The following ENG variants were observed in gnomAD, a reference collection of about 807,000 sequenced individuals.
ENG encodes the protein CD105 antigen.
In ENG, 17 loss-of-function variants were observed where a neutral mutation model predicts 71.0. The ratio of observed to expected loss-of-function variants is 0.24; its 90% CI spans 0.16 to 0.36. The LOEUF (loss-of-function observed/expected upper bound fraction) is 0.36, where lower values mean the gene tolerates loss of function less well. ENG is among the 10% of genes least tolerant of loss of function. The pLI is 1.00. For missense variants in ENG, 749 were observed against 868.3 expected (o/e 0.86, Z 1.73); for synonymous variants, 360 against 366.9 (o/e 0.98, Z 0.21).
In ENG at chr9:127,829,834, G is replaced by A. The variant is rs1248882142; in HGVS notation, c.220-7C>T. On this transcript the variant is annotated splice_region_variant and splice_polypyrimidine_tract_variant and intron_variant, in intron 2 of 14. Coordinates refer to ENST00000373203, the MANE Select transcript of ENG (RefSeq NM_001114753.3). Reference sequence around the variant, plus strand: ...GCTCCAGCTGTGACGGGCCCTGGGGGACACAGAGGAGAGACACACACAGTC... The same window carrying A: ...GCTCCAGCTGTGACGGGCCCTGGGGAACACAGAGGAGAGACACACACAGTC... 6.2e-7 allele frequency: 1 copy of A among 1,613,864 alleles called. No individual in the cohort carries two copies. The highest frequency in any genetic ancestry group is 8.5e-7 in the Non-Finnish European group (1 of 1,180,004).
At chr9:127,823,629 C>T (rs1317330903) in intron 8 of ENG, among the ~76,000 whole-genome samples, 1 of 150,054 alleles carries the variant, frequency 6.7e-6, no homozygotes, top group Non-Finnish European at 1.5e-5. Flanking sequence ...ACCTTGTGAT[C>T]CACCCGCCTC....
chr9:127,818,698 G>A lies in ENG; in HGVS notation c.1428+18C>T. On this transcript the variant is annotated intron_variant, in intron 11 of 14. Coordinates refer to ENST00000373203, the MANE Select transcript of ENG (RefSeq NM_001114753.3). ...CCAGGAGCTGGGAGGCCCGAGGGGTGACAGGCATGCCAGGTACCTGCACAA... is the reference window on the plus strand; with the variant it reads ...CCAGGAGCTGGGAGGCCCGAGGGGTAACAGGCATGCCAGGTACCTGCACAA... The A allele has an allele frequency of 6.2e-7, 1 of 1,612,594 alleles. No homozygotes were observed. Among genetic ancestry groups the A allele is most frequent in the Non-Finnish European group, 8.5e-7 (1 of 1,178,596 alleles).
At chr9:127,849,493 G>C (rs1234897720) in intron 1 of ENG, among the ~76,000 whole-genome samples, 3 of 152,192 alleles carry the variant, frequency 2.0e-5, no homozygotes, top group Non-Finnish European at 4.4e-5. Context: ...CTGGGACTCT[G>C]TTTCCCTATG....
intron 13 of ENG, 62 bp from the exon 14 acceptor site, chr9:127,816,115 G>T: frequency 6.4e-7 from 1 of 1,567,812 alleles, no homozygotes; most frequent in South Asian, 1.2e-5. Context: ...CTACCCTGTT[G>T]TGCTGGCCCA....
Position 127,817,235 on chromosome 9 carries a change from C to T in ENG, c.1687-32G>A, listed in dbSNP as rs770622486. ...GAGAAAGAGAGAGCAGTATGTGGCA[C>T]CTTTGGGAGGCGGCTTCCAGGTTTA... is the stretch of plus-strand genomic sequence containing the variant. On this transcript the variant is annotated intron_variant, in intron 12 of 14. Coordinates refer to ENST00000373203, the MANE Select transcript of ENG (RefSeq NM_001114753.3). The T allele has an allele frequency of 6.8e-6, 11 of 1,613,492 alleles. No homozygotes were observed. The East Asian group carries it at 1.1e-4, about 16-fold the overall frequency.
In ENG at chr9:127,854,454, G is replaced by A. The variant is rs1488678420; in HGVS notation, c.-99C>T. ...CCGGCGTGGGCTCGCACGGGGACCC[G>A]AGGGGAGCAGGCGGCCGGAGCGACG... On this transcript the variant is annotated 5_prime_UTR_variant, in exon 1 of 15. Transcript: ENST00000373203. 13 of 1,346,904 alleles carry A rather than the reference G, an allele frequency of 9.7e-6. No individual in the cohort carries two copies. The highest frequency in any genetic ancestry group is 4.5e-5 in the African/African-American group (3 of 67,340). The allele number at this position is 1,346,904 out of a possible 1,614,324, so 83.4% of individuals were successfully genotyped here.
chr9:127,816,751 G>A (rs554071556), intron 13 of ENG: 15 of 337,146 alleles, frequency 4.4e-5, no homozygotes, highest in South Asian at 3.9e-4. Flanking sequence ...CTGATGGAGA[G>A]GCTAGAGGGG....
At position 127,829,778 on chromosome 9, in the gene ENG, G is replaced by A. The variant is rs759138968; in HGVS notation, c.269C>T (p.Thr90Ile). 2.5e-6 allele frequency: 4 copies of A among 1,614,040 alleles called. No individual in the cohort carries two copies. Among genetic ancestry groups the A allele is most frequent in the African/African-American group, 2.7e-5 (2 of 74,924 alleles). Residue 90 changes from threonine (T) to isoleucine (I), a missense_variant, in exon 3 of 15, where the codon ACC becomes ATC. By Grantham distance (89) the Thr-to-Ile change is moderately conservative. Coordinates refer to ENST00000373203, the MANE Select transcript of ENG (RefSeq NM_001114753.3). ...LTLQASKQNG[T>I]WPREVLLVLS... ...GACCAGAAGCACCTCTCGGGGCCAG[G>A]TGCCATTTTGCTTGGATGCCTGGAG...
chr9:127,826,712 C>G, intron 3 of ENG, 40 bp from the exon 4 acceptor site: 2 of 1,610,732 alleles, frequency 1.2e-6, no homozygotes, highest in Non-Finnish European at 1.7e-6. Context: ...TGTTCCTGGC[C>G]CTGTGCCCTC....
chr9:127,826,817 G>C, intron 3 of ENG, 145 bp from the exon 4 acceptor site: 1 of 1,134,188 alleles, frequency 8.8e-7, no homozygotes, highest in South Asian at 1.5e-5. Flanking sequence ...TGGTGGATCT[G>C]CAGTCAGCCC....
intron 2 of ENG, among the ~76,000 whole-genome samples, chr9:127,837,944 G>A (rs1428344639): frequency 2.6e-5 from 4 of 151,946 alleles, no homozygotes; most frequent in Non-Finnish European, 5.9e-5. Flanking sequence ...CAGCAAGCCT[G>A]CCTCTAATAT....
chr9:127,816,993 C>T (rs534861925), intron 13 of ENG, 156 bp downstream of exon 13: 7 of 830,940 alleles, frequency 8.4e-6, no homozygotes, highest in Non-Finnish European at 1.4e-5. Context: ...GCTGCTATGG[C>T]TCTGGGAAGC....
Position 127,817,425 on chromosome 9 carries a change from C to G in ENG, c.1687-222G>C, listed in dbSNP as rs1419094901. Reference sequence around the variant, plus strand: ...CTGCTGAAATGTTTCCTGTGAGTTCCTGGAGGCCTTGATGCCCAGGAGCAC... The same window carrying G: ...CTGCTGAAATGTTTCCTGTGAGTTCGTGGAGGCCTTGATGCCCAGGAGCAC... On this transcript the variant is annotated intron_variant, in intron 12 of 14. Transcript: ENST00000373203. 74 of 617,020 alleles carry G rather than the reference C, an allele frequency of 1.2e-4. No homozygotes were observed. In the East Asian group the frequency reaches 2.1e-3, roughly 17 times the overall value. 38.2% of individuals were successfully genotyped at this position (617,020 alleles called of 1,614,324 possible).
rs1191803777 is a variant in ENG, at chr9:127,834,002, G to C, written c.220-4175C>G. Among the ~76,000 whole-genome samples the C allele has an allele frequency of 2.0e-5, 3 of 152,266 alleles. No individual in the cohort carries two copies. In the East Asian group the frequency reaches 5.8e-4, roughly 29 times the overall value. Reference sequence around the variant, plus strand: ...GTGTGGAGAAGGAACAAAGCAATCTGTAACTGGTTGTGATCAATTAGTTGT... The same window carrying C: ...GTGTGGAGAAGGAACAAAGCAATCTCTAACTGGTTGTGATCAATTAGTTGT... On this transcript the variant is annotated intron_variant, in intron 2 of 14. Coordinates refer to ENST00000373203, the MANE Select transcript of ENG (RefSeq NM_001114753.3).
chr9:127,823,095 C>T (rs917427427), intron 8 of ENG, among the ~76,000 whole-genome samples: 1 of 152,072 alleles, frequency 6.6e-6, no homozygotes. Context: ...CCTGCCTCGG[C>T]CTCCAAAGTG....
chr9:127,840,907 T>C (rs1314339391), intron 2 of ENG, among the ~76,000 whole-genome samples: 1 of 152,222 alleles, frequency 6.6e-6, no homozygotes, highest in African/African-American at 2.4e-5. Context: ...TGAGTTACAG[T>C]GGCCCCCTGC....
Position 127,815,425 on chromosome 9 carries a change from A to T in ENG, c.*257T>A. On this transcript the variant is annotated 3_prime_UTR_variant, in exon 15 of 15. Transcript: ENST00000373203. ...ACTTGGGTTTTTACAACAGCGTGGCAAGTGGTCTGTCTCCTGGGCAGCCAT... is the reference window on the plus strand; with the variant it reads ...ACTTGGGTTTTTACAACAGCGTGGCTAGTGGTCTGTCTCCTGGGCAGCCAT... 1.7e-6 allele frequency: 1 copy of T among 580,230 alleles called. No individual in the cohort carries two copies. The highest frequency in any genetic ancestry group is 2.9e-6 in the Non-Finnish European group (1 of 346,460). 35.9% of individuals were successfully genotyped at this position (580,230 alleles called of 1,614,324 possible). A position where few individuals can be genotyped will look rare whatever the true frequency, so the allele number is the denominator to read the frequency against.
intron 8 of ENG, among the ~76,000 whole-genome samples, chr9:127,820,239 G>A (rs777474217): frequency 2.6e-5 from 4 of 151,920 alleles, no homozygotes; most frequent in Non-Finnish European, 4.4e-5. Context: ...CACTCTTTTT[G>A]CCCAGGTGCA....
chr9:127,849,021 G>A (rs1166345620), intron 1 of ENG, among the ~76,000 whole-genome samples: 2 of 152,104 alleles, frequency 1.3e-5, no homozygotes, highest in African/African-American at 4.8e-5. Flanking sequence ...TCCTGGTCAT[G>A]TGCTTTGACC....
Sources: gnomAD v4.1 joint callset for allele counts (sites outside exome capture counted in the v4.1 genomes callset) on GRCh38, gnomAD v4.1.1 for gene constraint, MANE v1.5 for transcripts, NCBI Gene and HGNC (gene_info 2026-07-23, HGNC 2026-07-21) for gene names.